The following NOD1 variants were observed in gnomAD, a reference collection of about 807,000 sequenced individuals.
NOD1 encodes the protein nucleotide-binding oligomerization domain-containing protein 1.
In NOD1, 70 loss-of-function variants were observed where a neutral mutation model predicts 81.2. The ratio of observed to expected loss-of-function variants is 0.86; its 90% CI spans 0.71 to 1.05. The LOEUF (loss-of-function observed/expected upper bound fraction) is 1.05. Ranked by LOEUF, NOD1 falls within the 50% of genes least tolerant of loss-of-function variation. The probability of loss-of-function intolerance (pLI) is 0.00; values close to 1 mark genes in which losing one functional copy is unlikely to be tolerated. For synonymous variants in NOD1, 508 were observed against 526.9 expected, an observed-to-expected ratio of 0.96 and a Z score of 0.49; for missense variants, 1,233 against 1,228.0, an observed-to-expected ratio of 1.00 and a Z score of -0.06.
intron 1 of NOD1, among the ~76,000 whole-genome samples, chr7:30,461,074 A>C (rs62447421): frequency 0.15 from 23,520 of 152,258 alleles, 2,077 homozygotes; most frequent in Admixed American, 0.23. Context: ...TCTAATAGCC[A>C]CACTAATAAA....
chr7:30,435,467 C>CCT (rs1000835120), intron 11 of NOD1, among the ~76,000 whole-genome samples: 34 of 152,300 alleles, frequency 2.2e-4, no homozygotes, highest in African/African-American at 8.2e-4. Flanking sequence ...AAGGCCAAGG[C>CCT]CTCAGATCCA....
In NOD1 at chr7:30,425,541, G is replaced by T; in HGVS notation, c.*97C>A. ...GTGGACTCCTGATAGTCCCGCCTGC[G>T]CAGGCCCCTTTAAGACACTGACACA... On this transcript the variant is annotated 3_prime_UTR_variant, in exon 14 of 14. Coordinates refer to ENST00000222823, the MANE Select transcript of NOD1 (RefSeq NM_006092.4). 1 of 875,152 alleles carries T rather than the reference G, an allele frequency of 1.1e-6. No homozygotes were observed. The highest frequency in any genetic ancestry group is 2.0e-6 in the Non-Finnish European group (1 of 509,508). 54.2% of individuals were successfully genotyped at this position (875,152 alleles called of 1,614,324 possible).
intron 1 of NOD1, among the ~76,000 whole-genome samples, chr7:30,466,941 G>A (rs531005450): frequency 1.5e-4 from 23 of 152,222 alleles, no homozygotes; most frequent in Middle Eastern, 6.8e-3. Context: ...CCCAACTTGT[G>A]TTGGGTCCTG....
chr7:30,457,003 A>G lies in NOD1; in HGVS notation c.-82T>C, dbSNP rs1422372494. ...CTCAGCAGAAGGGCAATCAGGATTC[A>G]GGCCGCGCCCTCCAGGGCCCCTGCT... On this transcript the variant is annotated 5_prime_UTR_variant, in exon 4 of 14. Transcript: ENST00000222823. 8.3e-7 allele frequency: 1 copy of G among 1,210,546 alleles called. No homozygotes were observed. Among genetic ancestry groups the G allele is most frequent in the Non-Finnish European group, 1.2e-6 (1 of 820,814 alleles). The allele number at this position is 1,210,546 out of a possible 1,614,324, so 75.0% of individuals were successfully genotyped here.
chr7:30,446,239 A>T lies in NOD1; in HGVS notation c.2370-15T>A. ...TTTTTCCCAGTCTGCAGAGAGAGTCACACACAGTCAGCCTCCAGCTATGCA... is the reference window on the plus strand; with the variant it reads ...TTTTTCCCAGTCTGCAGAGAGAGTCTCACACAGTCAGCCTCCAGCTATGCA... On this transcript the variant is annotated splice_polypyrimidine_tract_variant and intron_variant, in intron 8 of 13. Transcript: ENST00000222823. 1.2e-6 allele frequency: 2 copies of T among 1,603,714 alleles called. No homozygotes were observed. Among genetic ancestry groups the T allele is most frequent in the Non-Finnish European group, 1.7e-6 (2 of 1,170,604 alleles).
chr7:30,445,261 TAAAA>T (rs1200166279), intron 9 of NOD1, among the ~76,000 whole-genome samples: 1 of 19,532 alleles, frequency 5.1e-5, no homozygotes, highest in East Asian at 1.2e-3. Context: ...TAGAGTATAA[TAAAA>T]AAAAAAAGAA....
chr7:30,425,617 C>G lies in NOD1; in HGVS notation c.*21G>C. ...TGCTGAGGCTCCAGGGCAAAAACCC[C>G]ATGAACAGGAAAGCATCCTCTCAGA... On this transcript the variant is annotated 3_prime_UTR_variant, in exon 14 of 14. Transcript: ENST00000222823. 1 of 1,599,038 alleles carries G rather than the reference C, an allele frequency of 6.3e-7. No homozygotes were observed. Among genetic ancestry groups the G allele is most frequent in the African/African-American group, 1.3e-5 (1 of 74,766 alleles).
chr7:30,474,845 A>G (rs1399019775), intron 1 of NOD1, among the ~76,000 whole-genome samples: 2 of 152,180 alleles, frequency 1.3e-5, no homozygotes, highest in African/African-American at 4.8e-5. Context: ...TACTTTATAG[A>G]CCCAACATCT....
chr7:30,429,428 C>G lies in NOD1; in HGVS notation c.2735G>C (p.Gly912Ala). 3 of 1,614,102 alleles carry G rather than the reference C, an allele frequency of 1.9e-6. No individual in the cohort carries two copies. The highest frequency in any genetic ancestry group is 2.5e-6 in the Non-Finnish European group (3 of 1,179,954). ...TAACGCATCTGCCAGCTGGGCAGTC[C>G]CCTTAGCTGTGATCTGATTCTGGAT... is the stretch of plus-strand genomic sequence containing the variant. The part of the protein sequence containing the change: ...WLIQNQITAK[G>A]TAQLADALQS... Residue 912 changes from glycine to alanine, a missense_variant, in exon 13 of 14, where the codon GGG becomes GCG. Gly to Ala is a moderately conservative substitution (Grantham distance 60). Coordinates refer to ENST00000222823, the MANE Select transcript of NOD1 (RefSeq NM_006092.4).
At chr7:30,439,017 G>A (rs948047210) in intron 9 of NOD1, among the ~76,000 whole-genome samples, 10 of 152,074 alleles carry the variant, frequency 6.6e-5, no homozygotes, top group Admixed American at 5.9e-4. Flanking sequence ...AAAGCCTCAA[G>A]AATCAAAACC....
chr7:30,463,452 G>A (rs1787365093), intron 1 of NOD1, among the ~76,000 whole-genome samples: 1 of 152,104 alleles, frequency 6.6e-6, no homozygotes, highest in Admixed American at 6.5e-5. Context: ...ACAGAAATGG[G>A]TACTAACCGA....
intron 6 of NOD1, among the ~76,000 whole-genome samples, chr7:30,448,780 T>C (rs1267345044): frequency 6.6e-6 from 1 of 152,200 alleles, no homozygotes; most frequent in Non-Finnish European, 1.5e-5. Flanking sequence ...TGGTTGTGAC[T>C]GGAGGAGGGA....
At chr7:30,468,010 GT>G (rs1787889782) in intron 1 of NOD1, among the ~76,000 whole-genome samples, 1 of 152,082 alleles carries the variant, frequency 6.6e-6, no homozygotes, top group African/African-American at 2.4e-5. Flanking sequence ...CCTATATTTT[GT>G]TTTAAATTTA....
intron 9 of NOD1, among the ~76,000 whole-genome samples, chr7:30,445,901 A>T (rs915029162): frequency 7.9e-5 from 12 of 152,152 alleles, no homozygotes; most frequent in African/African-American, 2.9e-4. Context: ...AGAGTAGTCA[A>T]AACCATAGAG....
At position 30,451,602 on chromosome 7, in the gene NOD1, C is replaced by G. The variant is rs764845766; in HGVS notation, c.1815G>C (p.Arg605=). 1.9e-6 allele frequency: 3 copies of G among 1,613,728 alleles called. No individual in the cohort carries two copies. In the Admixed American group the frequency reaches 5.0e-5, roughly 27 times the overall value. The change falls in exon 6 of 14, where the codon CGG becomes CGC. Residue 605 remains arginine, a synonymous_variant. Coordinates refer to ENST00000222823, the MANE Select transcript of NOD1 (RefSeq NM_006092.4). This position sits in a 1 kb window ranked among gnomAD's most constrained non-coding sequence, Gnocchi z 4.2. ...LLSKAKQKLL[R]HLVPAAALRR... ...TCAGGGCTGCCGCGGGCACCAGATG[C>G]CGCAGGAGTTTCTGTTTGGCTTTGG...
chr7:30,465,824 A>T (rs532992694), intron 1 of NOD1, among the ~76,000 whole-genome samples: 1 of 152,384 alleles, frequency 6.6e-6, no homozygotes, highest in Admixed American at 6.5e-5. Context: ...GTTTTTCAAC[A>T]GTGAGCTCTG....
intron 10 of NOD1, among the ~76,000 whole-genome samples, chr7:30,436,705 G>A (rs900221385): frequency 1.3e-5 from 2 of 152,186 alleles, no homozygotes; most frequent in Admixed American, 6.5e-5. Context: ...TACCAGCAAG[G>A]GACATGCAGG....
intron 12 of NOD1, among the ~76,000 whole-genome samples, chr7:30,429,880 G>C (rs1783794309): frequency 6.6e-6 from 1 of 152,128 alleles, no homozygotes; most frequent in Admixed American, 6.5e-5. Context: ...AATTAGCTGG[G>C]CATGGTGGTG....
intron 1 of NOD1, among the ~76,000 whole-genome samples, chr7:30,469,638 T>C (rs1186911180): frequency 6.6e-6 from 1 of 150,682 alleles, no homozygotes; most frequent in East Asian, 1.9e-4. Context: ...AACATCTTCT[T>C]CTGGTCAGGA....
Sources: allele counts gnomAD v4.1 joint callset (sites outside exome capture counted in the v4.1 genomes callset), GRCh38; gene constraint gnomAD v4.1.1; non-coding constraint Gnocchi (gnomAD v3.1); transcripts MANE v1.5; gene names NCBI Gene and HGNC (gene_info 2026-07-23, HGNC 2026-07-21).